HUWE1: variants seen among roughly 807,000 people sequenced by gnomAD.
HUWE1 encodes HECT, UBA and WWE domain containing E3 ubiquitin protein ligase 1.
In HUWE1, 18 loss-of-function variants were observed where a neutral mutation model predicts 299.4. The ratio of observed to expected loss-of-function variants is 0.06; its 90% CI spans 0.04 to 0.09. The LOEUF is 0.09. Ranked by LOEUF, HUWE1 falls within the 10% of genes least tolerant of loss-of-function variation. HUWE1 has a pLI of 1.00. For synonymous variants in HUWE1, 1,317 were observed against 1,286.1 expected (o/e 1.02, Z -0.51); for missense variants, 1,832 against 3,462.3 (o/e 0.53, Z 11.82).
Position 53,648,208 on chromosome X carries a change from A to G in HUWE1, c.144+4T>C. 2 of 1,162,486 alleles carry G rather than the reference A, an allele frequency of 1.7e-6. No homozygotes were observed. Among genetic ancestry groups the G allele is most frequent in the African/African-American group, 3.5e-5 (2 of 56,856 alleles). On this transcript the variant is annotated splice_donor_region_variant and intron_variant, in intron 5 of 83. Coordinates refer to ENST00000262854, the MANE Select transcript of HUWE1 (RefSeq NM_031407.7). ...CTGTCTTTTGGGAGCTTGACTTCAC[A>G]TACCTTTCCAATGTTCCATGTTTTG...
At chrX:53,634,115 G>C (rs1431073148) in intron 8 of HUWE1, 121 bp downstream of exon 8, 1 of 574,095 alleles carries the variant, frequency 1.7e-6, no homozygotes, top group Non-Finnish European at 3.0e-6. Context: ...ACTGATCTTA[G>C]GTTCCTCAAA....
intron 13 of HUWE1, among the ~76,000 whole-genome samples, 161 bp from the exon 14 acceptor site, chrX:53,629,063 T>C (rs1331056447): frequency 9.0e-6 from 1 of 111,580 alleles, no homozygotes; most frequent in Non-Finnish European, 1.9e-5. Flanking sequence ...ATCTAGTATT[T>C]GTTAGTTTTG....
chrX:53,598,721 C>T (rs782179817), intron 29 of HUWE1, among the ~76,000 whole-genome samples: 52 of 111,619 alleles, frequency 4.7e-4, no homozygotes, highest in Admixed American at 3.7e-3. Flanking sequence ...GGGAGTCAAA[C>T]GTTATACATG....
At chrX:53,592,946 C>A (rs1480967192) in intron 32 of HUWE1, among the ~76,000 whole-genome samples, 3 of 111,626 alleles carry the variant, frequency 2.7e-5, no homozygotes, top group African/African-American at 9.8e-5. Flanking sequence ...GTGTACCACC[C>A]CCTCCACCTC....
At chrX:53,614,845 G>T in intron 22 of HUWE1, 100 bp from the exon 23 acceptor site, 1 of 557,098 alleles carries the variant, frequency 1.8e-6, no homozygotes. Context: ...TTGTGTATTT[G>T]CCCAAACACT....
chrX:53,613,209 A>G (rs1432234966), intron 23 of HUWE1, among the ~76,000 whole-genome samples: 2 of 111,988 alleles, frequency 1.8e-5, no homozygotes, highest in Admixed American at 1.9e-4. Flanking sequence ...GCCTTCTCAG[A>G]CAGGGTAAGG....
intron 3 of HUWE1, among the ~76,000 whole-genome samples, chrX:53,672,613 T>A (rs1315159414): frequency 9.0e-6 from 1 of 111,249 alleles, no homozygotes; most frequent in Non-Finnish European, 1.9e-5. Context: ...TAAAGTGTCA[T>A]CCTTACTTCT....
chrX:53,649,513 C>T (rs1349993978), intron 4 of HUWE1, among the ~76,000 whole-genome samples: 1 of 111,971 alleles, frequency 8.9e-6, no homozygotes, highest in African/African-American at 3.2e-5. Context: ...AAGCTAAGTC[C>T]AAACCTTTTC....
intron 17 of HUWE1, 117 bp downstream of exon 17, chrX:53,627,293 G>C (rs782554834): frequency 2.2e-6 from 1 of 455,109 alleles, no homozygotes; most frequent in Non-Finnish European, 3.7e-6. Context: ...TTTTGTTGCT[G>C]AAAGTATATA....
Position 53,645,742 on chromosome X carries a change from T to A in HUWE1, c.352-279A>T, listed in dbSNP as rs1483142206. Among the ~76,000 whole-genome samples the A allele has an allele frequency of 8.7e-3, 147 of 16,820 alleles. 13 individuals carry two copies. The highest frequency in any genetic ancestry group is 0.031 in the African/African-American group (101 of 3,226). The allele number at this position is 16,820 out of a possible 115,157, so 14.6% of individuals were successfully genotyped here. On this transcript the variant is annotated intron_variant, in intron 6 of 83. Transcript: ENST00000262854. Reference sequence around the variant, plus strand: ...AAAGAAAAAAAAAAAAAAAAATATATATATATATATATATATATATATATA... The same window carrying A: ...AAAGAAAAAAAAAAAAAAAAATATAAATATATATATATATATATATATATA...
intron 3 of HUWE1, among the ~76,000 whole-genome samples, chrX:53,657,792 G>A (rs2068814521): frequency 9.0e-6 from 1 of 110,775 alleles, no homozygotes; most frequent in Non-Finnish European, 1.9e-5. Flanking sequence ...GCTCAGGTCT[G>A]CAATCCCAGC....
chrX:53,651,367 A>ACC (rs2149325045), intron 4 of HUWE1, among the ~76,000 whole-genome samples: 1 of 111,285 alleles, frequency 9.0e-6, no homozygotes, highest in East Asian at 2.8e-4. Context: ...CCCTCGTAAC[A>ACC]AATTTTTAAG....
Position 53,631,471 on chromosome X carries a change from G to T in HUWE1, c.705C>A (p.Ser235Arg), listed in dbSNP as rs782593768. 2 of 1,192,786 alleles carry T rather than the reference G, an allele frequency of 1.7e-6. No homozygotes were observed. Among genetic ancestry groups the T allele is most frequent in the Non-Finnish European group, 2.3e-6 (2 of 879,200 alleles). ...TAAGAGATTCCATGATTTCAGAAGGGCTTTCTGAAATCTACATTAAAAAAA... is the reference window on the plus strand; with the variant it reads ...TAAGAGATTCCATGATTTCAGAAGGTCTTTCTGAAATCTACATTAAAAAAA... ...HIEQLDKISE[S>R]PSEIMESLTK... The change falls in exon 11 of 84, where the codon AGC becomes AGA. Residue 235 changes from serine to arginine, a missense_variant. Transcript: ENST00000262854.
At position 53,591,153 on chromosome X, in the gene HUWE1, C is replaced by CGGA. The variant is rs782553696; in HGVS notation, c.3973-32_3973-31insTCC. The CGGA allele has an allele frequency of 5.8e-6, 7 of 1,202,810 alleles. No homozygotes were observed. In the Admixed American group the frequency reaches 1.5e-4, roughly 26 times the overall value. On this transcript the variant is annotated intron_variant, in intron 33 of 83. Transcript: ENST00000262854. ...TAAAGAATGCAAGGGCTCAGAATCA[C>CGGA]ATAACGGAAATCCAAATACATTTTT...
chrX:53,605,668 TA>T (rs2065108262), intron 25 of HUWE1, among the ~76,000 whole-genome samples: 1 of 111,876 alleles, frequency 8.9e-6, no homozygotes, highest in Non-Finnish European at 1.9e-5. Context: ...TTTGCAGAAA[TA>T]GAAAAATCCC....
In HUWE1 at chrX:53,633,239, C is replaced by T. The variant is rs150832206; in HGVS notation, c.568-675G>A. Among the ~76,000 whole-genome samples the T allele has an allele frequency of 6.8e-3, 765 of 112,388 alleles. 8 individuals are homozygous for T. Among genetic ancestry groups the T allele is most frequent in the Non-Finnish European group, 0.01 (549 of 53,195 alleles). On this transcript the variant is annotated intron_variant, in intron 8 of 83. Transcript: ENST00000262854. ...CCCACTAAAATGTCTCACTGAAAGACACCACTTGCAGTGGTTGCCTCTGGA... is the reference window on the plus strand; with the variant it reads ...CCCACTAAAATGTCTCACTGAAAGATACCACTTGCAGTGGTTGCCTCTGGA...
At chrX:53,640,138 C>T (rs949926547) in intron 7 of HUWE1, among the ~76,000 whole-genome samples, 2 of 112,537 alleles carry the variant, frequency 1.8e-5, no homozygotes, top group Non-Finnish European at 3.8e-5. Flanking sequence ...GCGAGTGGAT[C>T]GCCTGAGCTC....
rs1556910290 is a variant in HUWE1, at chrX:53,534,717, G to A, written c.12650-20C>T. On this transcript the variant is annotated intron_variant, in intron 81 of 83. Transcript: ENST00000262854. The stretch of plus-strand genomic sequence containing the variant: ...TGGCTCCTGGTGAGATAACCAAAAA[G>A]CCAAATGACTTCTAAACTCACACAA... The A allele has an allele frequency of 1.7e-6, 2 of 1,199,312 alleles. No homozygotes were observed. Among genetic ancestry groups the A allele is most frequent in the South Asian group, 1.8e-5 (1 of 56,157 alleles).
intron 78 of HUWE1, among the ~76,000 whole-genome samples, chrX:53,536,937 G>A (rs2061089578): frequency 8.9e-6 from 1 of 112,168 alleles, no homozygotes. Context: ...AATAAATGAG[G>A]CCTTGCTTAG....
Sources: allele counts gnomAD v4.1 joint callset (sites outside exome capture counted in the v4.1 genomes callset), GRCh38; gene constraint gnomAD v4.1.1; transcripts MANE v1.5; gene names NCBI Gene and HGNC (gene_info 2026-07-23, HGNC 2026-07-21).